The following SLC24A4 variants were observed in gnomAD, a reference collection of about 807,000 sequenced individuals.
SLC24A4 encodes the protein sodium/potassium/calcium exchanger 4.
In SLC24A4, 53 loss-of-function variants were observed where a neutral mutation model predicts 79.0. That is an observed-to-expected ratio of 0.67 (90% CI 0.54 to 0.84). The LOEUF (loss-of-function observed/expected upper bound fraction) is 0.84. SLC24A4 is among the 40% of genes least tolerant of loss of function. SLC24A4 has a pLI of 0.00. For missense variants in SLC24A4, 731 were observed against 822.0 expected (o/e 0.89, Z 1.35); for synonymous variants, 323 against 323.8 (o/e 1.00, Z 0.03).
At chr14:92,446,118 G>T (rs561649866) in intron 8 of SLC24A4, among the ~76,000 whole-genome samples, 1 of 152,092 alleles carries the variant, frequency 6.6e-6, no homozygotes, top group South Asian at 2.1e-4. Context: ...TCTTACATTT[G>T]TAACTCATAA....
rs5810597 is a variant in SLC24A4, at chr14:92,393,545, C to CTTTTTT, written c.242-40351_242-40346dup. ...CCAGTTCCATCCAAGAAGACACACT[C>CTTTTTT]TTTTTTTTTTTTTTTTTTTTTACGG... On this transcript the variant is annotated intron_variant, in intron 2 of 16. Coordinates refer to ENST00000532405, the MANE Select transcript of SLC24A4 (RefSeq NM_153646.4). Among the ~76,000 whole-genome samples, 71 of 112,474 alleles carry CTTTTTT rather than the reference C, an allele frequency of 6.3e-4. 1 individual carries two copies. Among genetic ancestry groups the CTTTTTT allele is most frequent in the African/African-American group, 9.8e-4 (29 of 29,488 alleles). The allele number at this position is 112,474 out of a possible 152,430, so 73.8% of individuals were successfully genotyped here.
intron 2 of SLC24A4, among the ~76,000 whole-genome samples, chr14:92,361,201 C>T (rs1405429955): frequency 2.6e-5 from 4 of 151,620 alleles, no homozygotes; most frequent in Middle Eastern, 3.2e-3. Flanking sequence ...GGATGTTGAC[C>T]GATTATGTAA....
At chr14:92,471,410 C>T (rs1894435688) in intron 12 of SLC24A4, among the ~76,000 whole-genome samples, 1 of 151,976 alleles carries the variant, frequency 6.6e-6, no homozygotes, top group Non-Finnish European at 1.5e-5. Context: ...CCATAGCCAC[C>T]CCTACCTGCA....
At chr14:92,486,285 G>T (rs376111809) in intron 13 of SLC24A4, among the ~76,000 whole-genome samples, 2 of 152,176 alleles carry the variant, frequency 1.3e-5, no homozygotes, top group African/African-American at 4.8e-5. Context: ...ACACAGACAG[G>T]CAGGGCAGAG....
chr14:92,351,320 G>A (rs555351924), intron 2 of SLC24A4, among the ~76,000 whole-genome samples: 42 of 152,124 alleles, frequency 2.8e-4, no homozygotes, highest in Middle Eastern at 3.4e-3. Context: ...AAGGTGGTTA[G>A]CAGGACAGGC....
intron 10 of SLC24A4, 99 bp downstream of exon 10, chr14:92,449,315 CACA>C: frequency 1.5e-6 from 2 of 1,330,932 alleles, no homozygotes; most frequent in African/African-American, 2.9e-5. Context: ...CACACACACA[CACA>C]CACACCCTCT....
chr14:92,417,781 C>A (rs1262795991), intron 2 of SLC24A4, among the ~76,000 whole-genome samples: 2 of 152,208 alleles, frequency 1.3e-5, no homozygotes, highest in African/African-American at 4.8e-5. Flanking sequence ...CTGCGGTATT[C>A]AGTACAGTTA....
chr14:92,384,742 C>T (rs1172664619), intron 2 of SLC24A4, among the ~76,000 whole-genome samples: 2 of 152,250 alleles, frequency 1.3e-5, no homozygotes, highest in Non-Finnish European at 2.9e-5. Flanking sequence ...TACTAAGTGA[C>T]CTACTGGCAG....
chr14:92,439,871 C>T (rs1316769304), intron 4 of SLC24A4, among the ~76,000 whole-genome samples: 1 of 152,264 alleles, frequency 6.6e-6, no homozygotes, highest in Non-Finnish European at 1.5e-5. Flanking sequence ...TTTCTCCCCA[C>T]AACTATTTTG....
Position 92,323,941 on chromosome 14 carries a change from C to T in SLC24A4, c.111C>T (p.Ser37=), listed in dbSNP as rs779597935. Reference sequence around the variant, plus strand: ...TGCTGGCCCTGGTGTGCTGTGCGTCCGGCCTCTTCGGCAGCTTGGGTGGGT... The same window carrying T: ...TGCTGGCCCTGGTGTGCTGTGCGTCTGGCCTCTTCGGCAGCTTGGGTGGGT... ...CAVLALVCCA[S]GLFGSLGHKT... Residue 37 remains serine (S), a synonymous_variant, in exon 1 of 17, where the codon TCC becomes TCT. Transcript: ENST00000532405. This position sits in a 1 kb window ranked among gnomAD's most constrained non-coding sequence, Gnocchi z 4.9. The T allele has an allele frequency of 1.9e-6, 3 of 1,610,920 alleles. No homozygotes were observed. The highest frequency in any genetic ancestry group is 1.7e-5 in the Admixed American group (1 of 59,896).
At chr14:92,493,066 G>A (rs1364792943) in intron 16 of SLC24A4, 4 of 380,966 alleles carry the variant, frequency 1.0e-5, no homozygotes, top group Non-Finnish European at 2.0e-5. Context: ...TGGAAATTGT[G>A]CTAAGGAGAC....
intron 2 of SLC24A4, among the ~76,000 whole-genome samples, chr14:92,418,868 A>G (rs888768732): frequency 6.6e-6 from 1 of 151,946 alleles, no homozygotes; most frequent in Non-Finnish European, 1.5e-5. Context: ...CGCCTGGCTA[A>G]TTTTTGTATT....
intron 13 of SLC24A4, chr14:92,483,714 C>T: frequency 7.8e-7 from 1 of 1,289,268 alleles, no homozygotes. Context: ...CCTTCTTCTC[C>T]TCCTCATTCC....
chr14:92,397,762 T>C (rs1434240845), intron 2 of SLC24A4, among the ~76,000 whole-genome samples: 1 of 152,192 alleles, frequency 6.6e-6, no homozygotes, highest in Non-Finnish European at 1.5e-5. Flanking sequence ...TGTTTGTCAT[T>C]ATCTAGTGCT....
At chr14:92,373,714 G>A (rs968532051) in intron 2 of SLC24A4, among the ~76,000 whole-genome samples, 7 of 152,228 alleles carry the variant, frequency 4.6e-5, no homozygotes, top group African/African-American at 1.7e-4. Flanking sequence ...CTTTTCTAAT[G>A]AGAAAGAACA....
Position 92,417,889 on chromosome 14 carries a change from A to G in SLC24A4, c.242-16023A>G, listed in dbSNP as rs1891066111. ...ATCTAGGATTGTGTAAGTGTACTCTAGGATGCTCGTGCAGCAGTGAAACTG... is the reference window on the plus strand; with the variant it reads ...ATCTAGGATTGTGTAAGTGTACTCTGGGATGCTCGTGCAGCAGTGAAACTG... On this transcript the variant is annotated intron_variant, in intron 2 of 16. Transcript: ENST00000532405. Among the ~76,000 whole-genome samples the G allele has an allele frequency of 2.6e-5, 4 of 152,190 alleles. No homozygotes were observed. The South Asian group carries it at 8.3e-4, about 31-fold the overall frequency.
In SLC24A4 at chr14:92,491,732, T is replaced by G; in HGVS notation, c.1605T>G (p.Gly535=). 6.2e-7 allele frequency: 1 copy of G among 1,614,008 alleles called. No homozygotes were observed. The highest frequency in any genetic ancestry group is 1.1e-5 in the South Asian group (1 of 91,076). Residue 535 remains glycine, a synonymous_variant, in exon 15 of 17, where the codon GGT becomes GGG. Coordinates refer to ENST00000532405, the MANE Select transcript of SLC24A4 (RefSeq NM_153646.4). ...TGTTTGACATCCTGGTAGGACTTGG[T>G]GTACCGTGGGGCCTGCAGACCATGG... ...SNVFDILVGL[G]VPWGLQTMVV...
chr14:92,378,041 G>A (rs1342182225), intron 2 of SLC24A4, among the ~76,000 whole-genome samples: 1 of 152,160 alleles, frequency 6.6e-6, no homozygotes, highest in Admixed American at 6.5e-5. Flanking sequence ...GCACGGGATT[G>A]GTTCTGACCT....
chr14:92,442,874 C>A, intron 6 of SLC24A4, 58 bp downstream of exon 6: 1 of 1,399,064 alleles, frequency 7.1e-7, no homozygotes, highest in Non-Finnish European at 1.0e-6. Flanking sequence ...GGGGATGAGC[C>A]TCTAATGACA....
Sources: allele counts gnomAD v4.1 joint callset (sites outside exome capture counted in the v4.1 genomes callset), GRCh38; gene constraint gnomAD v4.1.1; non-coding constraint Gnocchi (gnomAD v3.1); transcripts MANE v1.5; gene names NCBI Gene and HGNC (gene_info 2026-07-23, HGNC 2026-07-21).